NSMCE2: variants seen among roughly 807,000 people sequenced by gnomAD.
NSMCE2 encodes the protein NSE2 SUMO ligase component of SMC5/6 complex, also known as E3 SUMO-protein ligase NSE2.
Under a neutral mutation model 23.8 loss-of-function variants are expected in NSMCE2, and 24 were observed. The observed-to-expected ratio is 1.01, with a 90% CI of 0.73 to 1.42. The LOEUF (loss-of-function observed/expected upper bound fraction) is 1.42. Among genes scored for constraint, NSMCE2 ranks in the 40% most tolerant of loss-of-function variants. The pLI is 0.00. For synonymous variants in NSMCE2, 92 were observed against 94.1 expected, an observed-to-expected ratio of 0.98 and a Z score of 0.13; for missense variants, 284 against 296.5, an observed-to-expected ratio of 0.96 and a Z score of 0.31.
intron 1 of NSMCE2, among the ~76,000 whole-genome samples, chr8:125,095,399 G>A (rs549005597): frequency 6.6e-6 from 1 of 151,922 alleles, no homozygotes; most frequent in East Asian, 2.0e-4. Flanking sequence ...GACCAGCTTG[G>A]GCAACACAGG....
intron 5 of NSMCE2, among the ~76,000 whole-genome samples, chr8:125,336,119 T>G (rs188149231): frequency 1.5e-3 from 233 of 152,072 alleles, no homozygotes; most frequent in African/African-American, 5.4e-3. Context: ...ACCATTGATA[T>G]GGCTTTGAAG....
intron 1 of NSMCE2, among the ~76,000 whole-genome samples, chr8:125,093,253 T>G (rs1303355477): frequency 1.3e-5 from 2 of 152,204 alleles, no homozygotes; most frequent in African/African-American, 4.8e-5. Flanking sequence ...ACTAATCTTA[T>G]TCATGAAAGT....
At chr8:125,157,310 C>T (rs1821378026) in intron 4 of NSMCE2, among the ~76,000 whole-genome samples, 2 of 152,186 alleles carry the variant, frequency 1.3e-5, no homozygotes, top group Admixed American at 6.5e-5. Flanking sequence ...TCTCTACTCG[C>T]TGCATATGGC....
intron 7 of NSMCE2, 34 bp downstream of exon 7, chr8:125,357,852 C>G (rs751034206): frequency 1.4e-5 from 20 of 1,446,000 alleles, no homozygotes; most frequent in Non-Finnish European, 1.9e-5. Flanking sequence ...TGGAGCCTTC[C>G]CTAGTGGTAG....
intron 5 of NSMCE2, among the ~76,000 whole-genome samples, chr8:125,349,048 C>CAG (rs1812914185): frequency 2.0e-5 from 3 of 149,902 alleles, no homozygotes; most frequent in South Asian, 4.2e-4. Context: ...CACACACACA[C>CAG]ACACACACAC....
intron 5 of NSMCE2, among the ~76,000 whole-genome samples, chr8:125,257,281 C>T (rs1390485712): frequency 6.8e-6 from 1 of 147,550 alleles, no homozygotes; most frequent in Non-Finnish European, 1.5e-5. Context: ...AAGGCTCCAT[C>T]TCAAAAAAGA....
chr8:125,166,561 C>G (rs971743648), intron 4 of NSMCE2, among the ~76,000 whole-genome samples: 2 of 152,228 alleles, frequency 1.3e-5, no homozygotes, highest in Admixed American at 6.5e-5. Context: ...GCCACCGCGC[C>G]TGGCCCTAAA....
chr8:125,124,025 GT>G (rs1172539965), intron 3 of NSMCE2: 1 of 152,088 alleles, frequency 6.6e-6, no homozygotes, highest in Non-Finnish European at 1.5e-5. Context: ...AAGAAACCCT[GT>G]ACCCTTTAGC....
rs557642382 is a variant in NSMCE2, at chr8:125,252,455, G to A, written c.418+70199G>A. ...ACAGGAGAATGGCGTGAACCCAGGA[G>A]GCGGAGCTCGCAGTGAGCTGAGATC... On this transcript the variant is annotated intron_variant, in intron 5 of 7. Coordinates refer to ENST00000287437, the MANE Select transcript of NSMCE2 (RefSeq NM_173685.4). 5.8e-4 allele frequency among the ~76,000 whole-genome samples: 88 copies of A among 152,338 alleles called. 2 individuals are homozygous for A. In the South Asian group the frequency reaches 0.018, roughly 32 times the overall value.
At chr8:125,363,245 G>GT (rs1380052320) in intron 7 of NSMCE2, 3 of 152,228 alleles carry the variant, frequency 2.0e-5, no homozygotes, top group Non-Finnish European at 4.4e-5. Flanking sequence ...GCTCATGCCT[G>GT]TAATCCCAGC....
At chr8:125,326,022 T>A (rs796361706) in intron 5 of NSMCE2, among the ~76,000 whole-genome samples, 1 of 150,516 alleles carries the variant, frequency 6.6e-6, no homozygotes, top group Non-Finnish European at 1.5e-5. Flanking sequence ...CTTTGGGAGG[T>A]CAAGGCAGGT....
intron 7 of NSMCE2, among the ~76,000 whole-genome samples, chr8:125,361,124 C>T (rs1813532313): frequency 6.8e-6 from 1 of 147,252 alleles, no homozygotes. Context: ...CAGAGTCTCA[C>T]TCTGTCTCCC....
intron 4 of NSMCE2, among the ~76,000 whole-genome samples, chr8:125,163,048 A>G (rs1821703844): frequency 6.6e-6 from 1 of 152,138 alleles, no homozygotes; most frequent in Non-Finnish European, 1.5e-5. Context: ...TGTATATAGC[A>G]ATGAAGAAAG....
chr8:125,325,727 G>A (rs1009012780), intron 5 of NSMCE2, among the ~76,000 whole-genome samples: 1 of 152,168 alleles, frequency 6.6e-6, no homozygotes, highest in Admixed American at 6.5e-5. Context: ...CGAGGCAGGA[G>A]GATCACCTGC....
At chr8:125,194,587 A>G (rs922607688) in intron 5 of NSMCE2, among the ~76,000 whole-genome samples, 1 of 152,178 alleles carries the variant, frequency 6.6e-6, no homozygotes, top group African/African-American at 2.4e-5. Flanking sequence ...AATATGTCTT[A>G]ATTTCTATTG....
rs537713670 is a variant in NSMCE2, at chr8:125,233,283, G to T, written c.418+51027G>T. Among the ~76,000 whole-genome samples, 12 of 152,258 alleles carry T rather than the reference G, an allele frequency of 7.9e-5. No individual in the cohort carries two copies. The South Asian group carries it at 2.1e-3, about 26-fold the overall frequency. ...AAGTCAAAATCCACTTAGAAGAAAA[G>T]AATTTTTAAAGCACGGTAAATCAGA... is the stretch of plus-strand genomic sequence containing the variant. On this transcript the variant is annotated intron_variant, in intron 5 of 7. Transcript: ENST00000287437.
intron 5 of NSMCE2, among the ~76,000 whole-genome samples, chr8:125,260,541 G>A (rs1826644899): frequency 6.8e-6 from 1 of 147,792 alleles, no homozygotes; most frequent in Non-Finnish European, 1.5e-5. Flanking sequence ...TCCTTCTCGG[G>A]GCCTGAGTTT....
intron 7 of NSMCE2, among the ~76,000 whole-genome samples, chr8:125,366,138 C>G (rs926991091): frequency 6.6e-6 from 1 of 152,224 alleles, no homozygotes; most frequent in South Asian, 2.1e-4. Context: ...GGCCCCAGCA[C>G]TCTCTCTCCC....
intron 5 of NSMCE2, among the ~76,000 whole-genome samples, chr8:125,207,673 A>G (rs2130876984): frequency 6.6e-6 from 1 of 152,262 alleles, no homozygotes; most frequent in East Asian, 1.9e-4. Context: ...GCTCGTGACT[A>G]TTTGGCTTTG....
Sources: gnomAD v4.1 joint callset for allele counts (sites outside exome capture counted in the v4.1 genomes callset) on GRCh38, gnomAD v4.1.1 for gene constraint, MANE v1.5 for transcripts, NCBI Gene and HGNC (gene_info 2026-07-23, HGNC 2026-07-21) for gene names.